Variants in DNPEP observed in about 807,000 individuals in gnomAD.
DNPEP encodes aspartyl aminopeptidase.
In DNPEP, 46 loss-of-function variants were observed where a neutral mutation model predicts 59.1. That is an observed-to-expected ratio of 0.78 (90% confidence interval 0.61 to 0.99). DNPEP has a LOEUF of 0.99. Ranked by LOEUF, DNPEP falls within the 50% of genes least tolerant of loss-of-function variation. DNPEP has a pLI of 0.00. For missense variants in DNPEP, 617 were observed against 649.9 expected, an observed-to-expected ratio of 0.95 and a Z score of 0.55; for synonymous variants, 229 against 242.2, an observed-to-expected ratio of 0.95 and a Z score of 0.50.
intron 13 of DNPEP, among the ~76,000 whole-genome samples, chr2:219,377,998 C>A (rs1953441663): frequency 6.7e-6 from 1 of 148,180 alleles, no homozygotes; most frequent in African/African-American, 2.5e-5. Context: ...AAAGAGGCAA[C>A]AAAAATATAT....
At chr2:219,385,034 A>C (rs1953752672) in intron 8 of DNPEP, 1 of 190,808 alleles carries the variant, frequency 5.2e-6, no homozygotes, top group African/African-American at 2.3e-5. Flanking sequence ...GTACGTGTTC[A>C]AGCAGGACAC....
intron 2 of DNPEP, 30 bp from the exon 3 acceptor site, chr2:219,387,010 G>A: frequency 6.2e-7 from 1 of 1,613,794 alleles, no homozygotes; most frequent in Non-Finnish European, 8.5e-7. Flanking sequence ...TCACAGCGAT[G>A]GAAGCTGGTG....
chr2:219,373,348 A>G lies in DNPEP; in HGVS notation c.*944T>C, dbSNP rs1021510456. On this transcript the variant is annotated 3_prime_UTR_variant, in exon 15 of 15. Coordinates refer to ENST00000273075, the MANE Select transcript of DNPEP (RefSeq NM_012100.4). ...CTCCTAAAGTGCTGGGACTACAGGC[A>G]TGACCCATCACGCCTGGCCTTTTTT... 2.1e-4 allele frequency among the ~76,000 whole-genome samples: 32 copies of G among 151,600 alleles called. No homozygotes were observed. Among genetic ancestry groups the G allele is most frequent in the Non-Finnish European group, 4.3e-4 (29 of 67,956 alleles).
chr2:219,397,088 G>C (rs1954109986), intron 1 of DNPEP, among the ~76,000 whole-genome samples: 1 of 152,190 alleles, frequency 6.6e-6, no homozygotes, highest in South Asian at 2.1e-4. Flanking sequence ...GTTAGTGACA[G>C]TATAACAAAG....
At chr2:219,385,403 G>T (rs531169484) in intron 8 of DNPEP, 21 bp downstream of exon 8, 1 of 1,575,502 alleles carries the variant, frequency 6.3e-7, no homozygotes, top group Non-Finnish European at 8.7e-7. Context: ...TCACCCACAG[G>T]TTCCTACAGC....
chr2:219,398,649 CAA>C (rs533381181), intron 1 of DNPEP, among the ~76,000 whole-genome samples: 3 of 135,834 alleles, frequency 2.2e-5, no homozygotes, highest in Non-Finnish European at 1.6e-5. Flanking sequence ...GACTCCATCT[CAA>C]AAAAAAAAAA....
In DNPEP at chr2:219,386,013, T is replaced by A. The variant is rs1313530547; in HGVS notation, c.545A>T (p.Gln182Leu). 1 of 1,614,190 alleles carries A rather than the reference T, an allele frequency of 6.2e-7. No individual in the cohort carries two copies. The highest frequency in any genetic ancestry group is 2.2e-5 in the East Asian group (1 of 44,878). The stretch of plus-strand genomic sequence containing the variant: ...CCCAAAGTTCTCGTTGATATTTCGC[T>A]GCAGATGGATGGCCAGGTGTGGGAT... ...LRIPHLAIHL[Q>L]RNINENFGPN... Residue 182 changes from glutamine to leucine, a missense_variant, in exon 6 of 15, where the codon CAG (glutamine) becomes CTG (leucine). By Grantham distance (113) the Gln-to-Leu change is moderately radical. Coordinates refer to ENST00000273075, the MANE Select transcript of DNPEP (RefSeq NM_012100.4).
At chr2:219,388,878 T>C, upstream of DNPEP, 1 of 985,226 alleles carries the variant, frequency 1.0e-6, no homozygotes, top group Non-Finnish European at 1.2e-6. Flanking sequence ...GTACTCTTAC[T>C]GTCCCCAGTT....
intron 2 of DNPEP, 40 bp downstream of exon 2, chr2:219,387,030 T>A (rs756866144): frequency 6.2e-7 from 1 of 1,611,978 alleles, no homozygotes; most frequent in Non-Finnish European, 8.5e-7. Flanking sequence ...GAAGGGCGCA[T>A]CAGCCTCCAC....
At chr2:219,386,555 T>A (rs1953845833) in intron 4 of DNPEP, 110 bp downstream of exon 4, 3 of 1,445,458 alleles carry the variant, frequency 2.1e-6, no homozygotes, top group Non-Finnish European at 2.8e-6. Flanking sequence ...CAAGTTTACC[T>A]TCTCCCTTAC....
At chr2:219,384,206 C>G (rs1953715025) in intron 9 of DNPEP, among the ~76,000 whole-genome samples, 160 bp downstream of exon 9, 1 of 152,218 alleles carries the variant, frequency 6.6e-6, no homozygotes, top group Non-Finnish European at 1.5e-5. Flanking sequence ...GAGGCTGCAA[C>G]ATTTAGGGCC....
Position 219,373,061 on chromosome 2 carries a change from A to ACTTTTT in DNPEP, c.*1225_*1230dup, listed in dbSNP as rs371170322. 1.8e-3 allele frequency among the ~76,000 whole-genome samples: 272 copies of ACTTTTT among 150,996 alleles called. 2 individuals are homozygous for ACTTTTT. The highest frequency in any genetic ancestry group is 6.4e-3 in the African/African-American group (263 of 41,236). ...GAGGTTGGTTTATAAGCAGGCTTTG[A>ACTTTTT]CTTTTTCTTTTTCTTTTTTTTTTTT... On this transcript the variant is annotated 3_prime_UTR_variant, in exon 15 of 15. Transcript: ENST00000273075.
In DNPEP at chr2:219,385,422, A is replaced by C. The variant is rs781247964; in HGVS notation, c.774+2T>G. On this transcript the variant is annotated splice_donor_variant, in intron 8 of 14. Coordinates refer to ENST00000273075, the MANE Select transcript of DNPEP (RefSeq NM_012100.4). LOFTEE classifies it high-confidence loss of function. ...CCACAGGTTCCTACAGCCAGTCCTCACCGCAGGCTGGGTGTCTGCAAGGCA... is the reference window on the plus strand; with the variant it reads ...CCACAGGTTCCTACAGCCAGTCCTCCCCGCAGGCTGGGTGTCTGCAAGGCA... The C allele has an allele frequency of 1.2e-6, 2 of 1,605,310 alleles. No homozygotes were observed. The highest frequency in any genetic ancestry group is 1.7e-6 in the Non-Finnish European group (2 of 1,172,444).
intron 1 of DNPEP, 190 bp from the exon 2 acceptor site, chr2:219,387,353 C>A (rs889987767): frequency 1.4e-6 from 2 of 1,444,714 alleles, no homozygotes; most frequent in African/African-American, 1.4e-5. Flanking sequence ...GCCCGCCGGC[C>A]CAGGATCATG....
At chr2:219,392,338 CAT>C (rs1316989075), upstream of DNPEP, among the ~76,000 whole-genome samples, 1 of 151,048 alleles carries the variant, frequency 6.6e-6, no homozygotes, top group Non-Finnish European at 1.5e-5. Flanking sequence ...TTATAAGATA[CAT>C]ATGTCTTTTT....
chr2:219,381,191 C>A (rs1953580199), intron 13 of DNPEP, 144 bp downstream of exon 13: 5 of 746,134 alleles, frequency 6.7e-6, no homozygotes, highest in South Asian at 1.6e-5. Flanking sequence ...CCAGCTGTAT[C>A]CAAAATCCCT....
rs372335973 is a variant in DNPEP at position 219,381,593 on chromosome 2, G to A, written c.1098-9C>T. 1 of 1,614,076 alleles carries A rather than the reference G, an allele frequency of 6.2e-7. No individual in the cohort carries two copies. The highest frequency in any genetic ancestry group is 8.5e-7 in the Non-Finnish European group (1 of 1,180,010). ...TCTCCTCATGCTTGTCCCTGTAAGA[G>A]ACAGATAAGGGCCAGACATAGCAAA... is the stretch of plus-strand genomic sequence containing the variant. On this transcript the variant is annotated splice_polypyrimidine_tract_variant and intron_variant, in intron 11 of 14. Coordinates refer to ENST00000273075, the MANE Select transcript of DNPEP (RefSeq NM_012100.4).
chr2:219,386,191 C>G lies in DNPEP; in HGVS notation c.460-93G>C. 3 of 1,609,066 alleles carry G rather than the reference C, an allele frequency of 1.9e-6. No individual in the cohort carries two copies. The South Asian group carries it at 3.3e-5, about 18-fold the overall frequency. The stretch of plus-strand genomic sequence containing the variant: ...AGACTAAGCAGGGTGGTCCTCTGAC[C>G]AGACTGCCCCCACCCCTCTTCCCCA... On this transcript the variant is annotated intron_variant, in intron 5 of 14. Coordinates refer to ENST00000273075, the MANE Select transcript of DNPEP (RefSeq NM_012100.4).
At chr2:219,387,278 C>T in intron 1 of DNPEP, 115 bp from the exon 2 acceptor site, 5 of 1,452,750 alleles carry the variant, frequency 3.4e-6, no homozygotes, top group South Asian at 1.4e-5. Context: ...AGGCACAGAC[C>T]TCTGCTTCCG....
Sources: gnomAD v4.1 joint callset for allele counts (sites outside exome capture counted in the v4.1 genomes callset) on GRCh38, gnomAD v4.1.1 for gene constraint, MANE v1.5 for transcripts, NCBI Gene and HGNC (gene_info 2026-07-23, HGNC 2026-07-21) for gene names.